The following IGF2BP2 variants were observed in gnomAD, a reference collection of about 807,000 sequenced individuals.
IGF2BP2 encodes insulin-like growth factor 2 mRNA-binding protein 2.
In IGF2BP2, 17 loss-of-function variants were observed where a neutral mutation model predicts 75.8. The observed-to-expected ratio is 0.22, with a 90% CI of 0.15 to 0.34. The LOEUF (loss-of-function observed/expected upper bound fraction) is 0.34, where lower values mean the gene tolerates loss of function less well. Among genes scored for constraint, IGF2BP2 ranks in the 10% least tolerant of loss-of-function variants. The pLI, the probability that IGF2BP2 is intolerant of heterozygous loss-of-function variation, is 1.00. For missense variants in IGF2BP2, 516 were observed against 772.4 expected (o/e 0.67, Z 3.93); for synonymous variants, 288 against 295.6 (o/e 0.97, Z 0.26).
At chr3:185,785,854 T>C (rs1338699260) in intron 2 of IGF2BP2, among the ~76,000 whole-genome samples, 1 of 152,186 alleles carries the variant, frequency 6.6e-6, no homozygotes, top group Non-Finnish European at 1.5e-5. Context: ...GAGTTCACTG[T>C]GTAAACCATT....
intron 2 of IGF2BP2, among the ~76,000 whole-genome samples, chr3:185,738,758 C>G (rs987438608): frequency 2.0e-5 from 3 of 152,182 alleles, no homozygotes; most frequent in African/African-American, 7.2e-5. Context: ...GGCACAAGAT[C>G]ACTGCTGCTT....
At chr3:185,700,024 C>T (rs1723078284) in intron 2 of IGF2BP2, among the ~76,000 whole-genome samples, 1 of 152,022 alleles carries the variant, frequency 6.6e-6, no homozygotes, top group South Asian at 2.1e-4. Flanking sequence ...AATAGAAGAG[C>T]TTGACACTGA....
intron 11 of IGF2BP2, 61 bp downstream of exon 11, chr3:185,658,280 G>T (rs1715785700): frequency 6.8e-7 from 1 of 1,474,528 alleles, no homozygotes; most frequent in Non-Finnish European, 9.5e-7. Flanking sequence ...GGCCACCAAG[G>T]GCCAAGTGGG....
chr3:185,792,476 A>T (rs1578320378), intron 2 of IGF2BP2, among the ~76,000 whole-genome samples: 1 of 152,008 alleles, frequency 6.6e-6, no homozygotes, highest in South Asian at 2.1e-4. Context: ...TTTTGTAAAA[A>T]ATAATTTTTA....
In IGF2BP2 at chr3:185,645,748, C is replaced by T. The variant is rs1463525127; in HGVS notation, c.1708-125G>A. 1 of 698,894 alleles carries T rather than the reference C, an allele frequency of 1.4e-6. No individual in the cohort carries two copies. Among genetic ancestry groups the T allele is most frequent in the Non-Finnish European group, 2.6e-6 (1 of 386,784 alleles). The allele number at this position is 698,894 out of a possible 1,614,324, so 43.3% of individuals were successfully genotyped here. On this transcript the variant is annotated intron_variant, in intron 15 of 15. Coordinates refer to ENST00000382199, the MANE Select transcript of IGF2BP2 (RefSeq NM_006548.6). The surrounding 1 kb of genome is among the most constrained non-coding windows in gnomAD (Gnocchi z 4.9). ...GGTGGAATGCTCAGACAAGCATCATCTACCCACCCCCGCACGTTACTCCAG... is the reference window on the plus strand; with the variant it reads ...GGTGGAATGCTCAGACAAGCATCATTTACCCACCCCCGCACGTTACTCCAG...
At chr3:185,657,487 T>C (rs1715640983) in intron 11 of IGF2BP2, 85 bp from the exon 12 acceptor site, 2 of 1,031,386 alleles carry the variant, frequency 1.9e-6, no homozygotes, top group South Asian at 1.5e-5. Context: ...CACCTTACCA[T>C]GAACCCCATG....
chr3:185,794,534 G>C (rs1477147130), intron 2 of IGF2BP2, among the ~76,000 whole-genome samples: 1 of 151,970 alleles, frequency 6.6e-6, no homozygotes, highest in Non-Finnish European at 1.5e-5. Flanking sequence ...CCTTACCCTA[G>C]ACTTTACCAT....
At position 185,687,092 on chromosome 3, in the gene IGF2BP2, A is replaced by C. The variant is rs1426292228; in HGVS notation, c.777T>G (p.Leu259=). The part of the protein sequence containing the change: ...EGTSEACRMI[L]EIMQKEADET... Reference sequence around the variant, plus strand: ...CATCTGCCTCTTTCTGCATGATTTCAAGAATCATGCGGCATGCTTCAGAAG... The same window carrying C: ...CATCTGCCTCTTTCTGCATGATTTCCAGAATCATGCGGCATGCTTCAGAAG... Residue 259 remains leucine, a synonymous_variant, in exon 7 of 16, where the codon CTT becomes CTG. Coordinates refer to ENST00000382199, the MANE Select transcript of IGF2BP2 (RefSeq NM_006548.6). The C allele has an allele frequency of 6.2e-7, 1 of 1,613,678 alleles. No homozygotes were observed. The highest frequency in any genetic ancestry group is 1.7e-5 in the Admixed American group (1 of 59,918).
At position 185,667,492 on chromosome 3, in the gene IGF2BP2, A is replaced by C. The variant is rs77107243; in HGVS notation, c.1200+5049T>G. On this transcript the variant is annotated intron_variant, in intron 10 of 15. Coordinates refer to ENST00000382199, the MANE Select transcript of IGF2BP2 (RefSeq NM_006548.6). Reference sequence around the variant, plus strand: ...ACATAGCACGGTCTCTTAAAGAAAAAGAAAATAGGGGAGGATATTTTATTT... The same window carrying C: ...ACATAGCACGGTCTCTTAAAGAAAACGAAAATAGGGGAGGATATTTTATTT... 1.0e-3 allele frequency among the ~76,000 whole-genome samples: 155 copies of C among 152,326 alleles called. 1 individual carries two copies. The highest frequency in any genetic ancestry group is 3.5e-3 in the African/African-American group (146 of 41,572).
chr3:185,704,713 G>C (rs1442273029), intron 2 of IGF2BP2, among the ~76,000 whole-genome samples: 1 of 152,114 alleles, frequency 6.6e-6, no homozygotes, highest in Non-Finnish European at 1.5e-5. Flanking sequence ...TCCTCCCAAA[G>C]TGCTGGGATT....
intron 2 of IGF2BP2, among the ~76,000 whole-genome samples, chr3:185,804,771 T>C (rs2149968778): frequency 6.6e-6 from 1 of 151,876 alleles, no homozygotes; most frequent in African/African-American, 2.4e-5. Context: ...GGGCGGATCA[T>C]GAGGTCAGGA....
chr3:185,657,336 T>G lies in IGF2BP2; in HGVS notation c.1336A>C (p.Lys446Gln). The change falls in exon 12 of 16, where the codon AAG becomes CAG. Residue 446 changes from lysine (K) to glutamine (Q), a missense_variant. By Grantham distance (53) the Lys-to-Gln change is moderately conservative. This residue lies in a region of IGF2BP2 where 129 missense variants were observed against 230.5 expected (regional missense o/e 0.56). Coordinates refer to ENST00000382199, the MANE Select transcript of IGF2BP2 (RefSeq NM_006548.6). ...TQAVGAIIGK[K>Q]GAHIKQLARF... Reference sequence around the variant, plus strand: ...GCCAGCTGTTTGATGTGTGCCCCCTTCTTCCCGATGATGGCGCCCACAGCC... The same window carrying G: ...GCCAGCTGTTTGATGTGTGCCCCCTGCTTCCCGATGATGGCGCCCACAGCC... The G allele has an allele frequency of 6.2e-7, 1 of 1,613,990 alleles. No individual in the cohort carries two copies. The highest frequency in any genetic ancestry group is 8.5e-7 in the Non-Finnish European group (1 of 1,179,940).
chr3:185,785,449 G>A (rs1010089843), intron 2 of IGF2BP2, among the ~76,000 whole-genome samples: 1 of 151,890 alleles, frequency 6.6e-6, no homozygotes, highest in Non-Finnish European at 1.5e-5. Context: ...TGGTCTAATA[G>A]GCAAGAAGCA....
intron 2 of IGF2BP2, among the ~76,000 whole-genome samples, chr3:185,768,874 G>C (rs1229615336): frequency 6.6e-6 from 1 of 152,094 alleles, no homozygotes; most frequent in African/African-American, 2.4e-5. Flanking sequence ...TAAAAATACA[G>C]AAATTAGCCA....
intron 2 of IGF2BP2, among the ~76,000 whole-genome samples, chr3:185,790,926 T>C (rs1736562431): frequency 6.6e-6 from 1 of 152,264 alleles, no homozygotes; most frequent in Non-Finnish European, 1.5e-5. Flanking sequence ...TTTCATTAGT[T>C]TATTGTTAAG....
chr3:185,711,907 C>CAGGATTATG (rs1287170757), intron 2 of IGF2BP2, among the ~76,000 whole-genome samples: 1 of 152,148 alleles, frequency 6.6e-6, no homozygotes, highest in Non-Finnish European at 1.5e-5. Flanking sequence ...CATCAAGCCC[C>CAGGATTATG]AGGATTATGA....
At chr3:185,714,402 CATCT>C (rs1393024699) in intron 2 of IGF2BP2, among the ~76,000 whole-genome samples, 1 of 152,162 alleles carries the variant, frequency 6.6e-6, no homozygotes, top group African/African-American at 2.4e-5. Context: ...TCCATCCATC[CATCT>C]CACTTTGCAC....
chr3:185,753,559 A>G (rs574839457), intron 2 of IGF2BP2, among the ~76,000 whole-genome samples: 10 of 152,288 alleles, frequency 6.6e-5, no homozygotes, highest in Non-Finnish European at 1.3e-4. Flanking sequence ...ATCCAAAGAG[A>G]CCAGCAGGCC....
chr3:185,671,535 C>CAAAAA (rs397706922), intron 10 of IGF2BP2, among the ~76,000 whole-genome samples: 3 of 88,754 alleles, frequency 3.4e-5, no homozygotes, highest in African/African-American at 3.7e-5. Flanking sequence ...GACTCCATCT[C>CAAAAA]AAAAAAAAAA....
Sources: allele counts gnomAD v4.1 joint callset (sites outside exome capture counted in the v4.1 genomes callset), GRCh38; gene constraint gnomAD v4.1.1; regional missense constraint gnomAD v4.1.1; non-coding constraint Gnocchi (gnomAD v3.1); transcripts MANE v1.5; gene names NCBI Gene and HGNC (gene_info 2026-07-23, HGNC 2026-07-21).